Variants in CCSER1 observed in about 807,000 individuals in gnomAD.
CCSER1 encodes serine-rich coiled-coil domain-containing protein 1.
A neutral mutation model predicts 82.0 loss-of-function variants in CCSER1; 41 were observed. That is an observed-to-expected ratio of 0.50 (90% CI 0.39 to 0.65). The LOEUF (loss-of-function observed/expected upper bound fraction) is 0.65. Among genes scored for constraint, CCSER1 ranks in the 30% least tolerant of loss-of-function variants. The probability of loss-of-function intolerance (pLI) is 0.00; values close to 1 mark genes in which losing one functional copy is unlikely to be tolerated. For synonymous variants in CCSER1, 414 were observed against 383.9 expected, an observed-to-expected ratio of 1.08 and a Z score of -0.92; for missense variants, 1,119 against 1,064.2, an observed-to-expected ratio of 1.05 and a Z score of -0.72.
chr4:90,725,939 T>C (rs1184028982), intron 7 of CCSER1, among the ~76,000 whole-genome samples: 1 of 151,990 alleles, frequency 6.6e-6, no homozygotes, highest in African/African-American at 2.4e-5. Context: ...CCCATGAATG[T>C]GACATGATAT....
At chr4:90,190,216 A>C (rs937796366) in intron 1 of CCSER1, among the ~76,000 whole-genome samples, 2 of 152,060 alleles carry the variant, frequency 1.3e-5, no homozygotes, top group African/African-American at 4.8e-5. Flanking sequence ...TGCTAACTAG[A>C]GAAAGGAGTC....
At chr4:90,642,894 T>C (rs13109277) in intron 6 of CCSER1, among the ~76,000 whole-genome samples, 1 of 31,582 alleles carries the variant, frequency 3.2e-5, no homozygotes, top group Non-Finnish European at 5.4e-5. Context: ...TTATTTTCTG[T>C]TTTTTTTTTT....
intron 5 of CCSER1, among the ~76,000 whole-genome samples, chr4:90,615,324 A>G (rs1040877878): frequency 1.3e-5 from 2 of 152,174 alleles, no homozygotes; most frequent in African/African-American, 2.4e-5. Flanking sequence ...TTCATATTTA[A>G]GAAATACACG....
At chr4:91,352,540 G>C (rs957087048) in intron 10 of CCSER1, among the ~76,000 whole-genome samples, 1 of 152,124 alleles carries the variant, frequency 6.6e-6, no homozygotes, top group Non-Finnish European at 1.5e-5. Flanking sequence ...CACCGTGCCC[G>C]GCAGGAAGAT....
intron 5 of CCSER1, among the ~76,000 whole-genome samples, chr4:90,550,803 G>A (rs1462391056): frequency 2.0e-5 from 3 of 151,922 alleles, no homozygotes; most frequent in Admixed American, 6.6e-5. Context: ...GGGGTGGGTG[G>A]AATTAATTAG....
chr4:90,190,612 T>G (rs1483750655), intron 1 of CCSER1, among the ~76,000 whole-genome samples: 2 of 152,100 alleles, frequency 1.3e-5, no homozygotes, highest in Non-Finnish European at 2.9e-5. Context: ...TTTACAAACT[T>G]TAAAAGACAG....
chr4:91,318,708 A>G (rs1745993118), intron 10 of CCSER1, among the ~76,000 whole-genome samples: 1 of 152,024 alleles, frequency 6.6e-6, no homozygotes, highest in Non-Finnish European at 1.5e-5. Context: ...ATTCTTCTCT[A>G]TGTCATAACT....
At chr4:91,465,902 A>C (rs184274220) in intron 10 of CCSER1, among the ~76,000 whole-genome samples, 11 of 152,306 alleles carry the variant, frequency 7.2e-5, no homozygotes, top group Admixed American at 5.9e-4. Context: ...AGATGGATTC[A>C]CAGCCGAATT....
intron 4 of CCSER1, among the ~76,000 whole-genome samples, chr4:90,431,208 T>A (rs573879731): frequency 2.0e-5 from 3 of 152,092 alleles, no homozygotes; most frequent in Non-Finnish European, 4.4e-5. Flanking sequence ...CATTACAACA[T>A]AGAAACACAG....
chr4:91,179,395 G>A (rs1022868027), intron 10 of CCSER1, among the ~76,000 whole-genome samples: 1 of 152,066 alleles, frequency 6.6e-6, no homozygotes, highest in Admixed American at 6.6e-5. Context: ...CCTGAAGAGT[G>A]TTTTCCAACT....
intron 9 of CCSER1, among the ~76,000 whole-genome samples, chr4:90,930,819 C>G (rs1729655961): frequency 1.3e-5 from 2 of 149,240 alleles, no homozygotes; most frequent in African/African-American, 4.9e-5. Flanking sequence ...TTTTTGTGGA[C>G]TTATATTAAT....
chr4:91,392,623 AT>A (rs1309344030), intron 10 of CCSER1, among the ~76,000 whole-genome samples: 4 of 152,064 alleles, frequency 2.6e-5, no homozygotes, highest in African/African-American at 9.7e-5. Context: ...TTAGAGTCAT[AT>A]ATATTAGCTC....
intron 1 of CCSER1, among the ~76,000 whole-genome samples, chr4:90,295,808 G>A (rs1731779535): frequency 6.6e-6 from 1 of 151,854 alleles, no homozygotes; most frequent in African/African-American, 2.4e-5. Flanking sequence ...ACCACATCCT[G>A]GCTTAGCTTC....
At chr4:90,766,472 A>G (rs1214237071) in intron 7 of CCSER1, among the ~76,000 whole-genome samples, 1 of 152,090 alleles carries the variant, frequency 6.6e-6, no homozygotes, top group Non-Finnish European at 1.5e-5. Flanking sequence ...TAGTGAATAT[A>G]CAAAGAATAT....
At chr4:91,061,217 AT>A (rs1333664180) in intron 9 of CCSER1, among the ~76,000 whole-genome samples, 4 of 152,162 alleles carry the variant, frequency 2.6e-5, no homozygotes, top group East Asian at 3.9e-4. Context: ...AATGAAAAAA[AT>A]ATATTGTGAT....
rs181897175 is a variant in CCSER1, at chr4:91,102,563, A to C, written c.2217+16569A>C. Among the ~76,000 whole-genome samples the C allele has an allele frequency of 2.0e-4, 31 of 152,332 alleles. 1 individual carries two copies. The highest frequency in any genetic ancestry group is 1.8e-3 in the Admixed American group (28 of 15,302). On this transcript the variant is annotated intron_variant, in intron 10 of 10. Coordinates refer to ENST00000509176, the MANE Select transcript of CCSER1 (RefSeq NM_001145065.2). The stretch of plus-strand genomic sequence containing the variant: ...GACTTTTGAATCAATATGCATTTAG[A>C]TGTCGTTTTTATAAGGCACATAAGT...
At chr4:91,167,749 G>A (rs1389355887) in intron 10 of CCSER1, among the ~76,000 whole-genome samples, 2 of 152,238 alleles carry the variant, frequency 1.3e-5, no homozygotes, top group Non-Finnish European at 2.9e-5. Flanking sequence ...CTGATTTACA[G>A]TGGAGCCTAG....
At chr4:91,563,334 G>T (rs901370861) in intron 10 of CCSER1, among the ~76,000 whole-genome samples, 5 of 151,722 alleles carry the variant, frequency 3.3e-5, no homozygotes, top group Non-Finnish European at 5.9e-5. Context: ...CCATGATGAA[G>T]TGGAATTTAT....
chr4:90,771,340 T>C (rs1187836889), intron 7 of CCSER1, among the ~76,000 whole-genome samples: 1 of 151,826 alleles, frequency 6.6e-6, no homozygotes, highest in African/African-American at 2.4e-5. Context: ...GATAATTATC[T>C]TTTTTTAGAC....
Sources: allele counts gnomAD v4.1 joint callset (sites outside exome capture counted in the v4.1 genomes callset), GRCh38; gene constraint gnomAD v4.1.1; transcripts MANE v1.5; gene names NCBI Gene and HGNC (gene_info 2026-07-23, HGNC 2026-07-21).